The following PCDHGB2 variants were observed in gnomAD, a reference collection of about 807,000 sequenced individuals.
PCDHGB2 encodes protocadherin gamma-B2.
Under a neutral mutation model 59.3 loss-of-function variants are expected in PCDHGB2, and 55 were observed. That is an observed-to-expected ratio of 0.93 (90% CI 0.75 to 1.16). The LOEUF (loss-of-function observed/expected upper bound fraction) is 1.16, where lower values mean the gene tolerates loss of function less well. Among genes scored for constraint, PCDHGB2 ranks in the 50% most tolerant of loss-of-function variants. The probability of loss-of-function intolerance (pLI) is 0.00; values close to 1 mark genes in which losing one functional copy is unlikely to be tolerated. For synonymous variants in PCDHGB2, 516 were observed against 512.0 expected, an observed-to-expected ratio of 1.01 and a Z score of -0.11; for missense variants, 1,228 against 1,198.5, an observed-to-expected ratio of 1.02 and a Z score of -0.36.
chr5:141,423,636 C>A, intron 1 of PCDHGB2: 1 of 1,598,388 alleles, frequency 6.3e-7, no homozygotes, highest in Non-Finnish European at 8.5e-7. Context: ...TCATTTTAGG[C>A]AAATGTGACC....
chr5:141,402,839 C>T (rs2094312458), intron 1 of PCDHGB2: 1 of 1,386,198 alleles, frequency 7.2e-7, no homozygotes, highest in Non-Finnish European at 9.5e-7. Context: ...TGCAGCAAAA[C>T]TCAGCCTCTT....
intron 1 of PCDHGB2, chr5:141,423,762 G>T: frequency 2.3e-5 from 6 of 264,236 alleles, no homozygotes; most frequent in Non-Finnish European, 3.4e-5. Context: ...GGGGGGGGGT[G>T]GGGCGGCATA....
intron 1 of PCDHGB2, chr5:141,475,801 A>G: frequency 3.2e-6 from 1 of 312,546 alleles, no homozygotes. Flanking sequence ...AGGAAGCCAA[A>G]GGAAAGTGAA....
intron 1 of PCDHGB2, chr5:141,382,927 T>G: frequency 6.3e-7 from 1 of 1,579,076 alleles, no homozygotes; most frequent in Non-Finnish European, 8.6e-7. Context: ...GGGCGGGGAC[T>G]ACAGAGGATT....
intron 1 of PCDHGB2, chr5:141,372,195 A>T: frequency 4.3e-6 from 7 of 1,613,560 alleles, no homozygotes; most frequent in Non-Finnish European, 5.9e-6. Flanking sequence ...CTCGGGATAC[A>T]ACGCCTGGCT....
intron 1 of PCDHGB2, among the ~76,000 whole-genome samples, chr5:141,474,000 C>T (rs2099336161): frequency 6.6e-6 from 1 of 152,076 alleles, no homozygotes. Context: ...GCCCAAGGAG[C>T]TGGAAGTTAC....
rs777668071 is a variant in PCDHGB2 at position 141,491,848 on chromosome 5, C to G, written c.2422-2959C>G. The G allele has an allele frequency of 3.4e-6, 5 of 1,461,482 alleles. No homozygotes were observed. The highest frequency in any genetic ancestry group is 4.5e-6 in the Non-Finnish European group (5 of 1,104,578). 90.5% of individuals were successfully genotyped at this position (1,461,482 alleles called of 1,614,324 possible). A position where few individuals can be genotyped will look rare whatever the true frequency, so the allele number is the denominator to read the frequency against. ...CACCCGATTCTCGGGATCATTGGAC[C>G]GTTTGCGCGAAACCAGAGTGGCCGA... On this transcript the variant is annotated intron_variant, in intron 1 of 3. Transcript: ENST00000522605. The surrounding 1 kb of genome is among the most constrained non-coding windows in gnomAD (Gnocchi z 6.9).
intron 1 of PCDHGB2, chr5:141,422,778 C>T (rs1041081332): frequency 1.9e-6 from 3 of 1,613,932 alleles, no homozygotes; most frequent in Admixed American, 1.7e-5. Flanking sequence ...TTCTCTATGC[C>T]CTACAATCCT....
chr5:141,486,361 C>T lies in PCDHGB2; in HGVS notation c.2422-8446C>T. 1.2e-6 allele frequency: 2 copies of T among 1,614,086 alleles called. No individual in the cohort carries two copies. The highest frequency in any genetic ancestry group is 1.7e-6 in the Non-Finnish European group (2 of 1,179,994). On this transcript the variant is annotated intron_variant, in intron 1 of 3. Coordinates refer to ENST00000522605, the MANE Select transcript of PCDHGB2 (RefSeq NM_018923.3). This position sits in a 1 kb window ranked among gnomAD's most constrained non-coding sequence, Gnocchi z 5.0. ...GCATTCCTGACCACTTGCCATTTGCCCTCAAGTCTGCCTTCAGGAACCAGT... is the reference window on the plus strand; with the variant it reads ...GCATTCCTGACCACTTGCCATTTGCTCTCAAGTCTGCCTTCAGGAACCAGT...
chr5:141,431,709 T>A lies in PCDHGB2; in HGVS notation c.2422-63098T>A. 6.2e-7 allele frequency: 1 copy of A among 1,614,168 alleles called. No individual in the cohort carries two copies. Among genetic ancestry groups the A allele is most frequent in the Non-Finnish European group, 8.5e-7 (1 of 1,180,018 alleles). ...CACGAGGAGTCAGGATTCTACCAGA[T>A]GGAAGTGCAAGCAATGGATAATGCA... On this transcript the variant is annotated intron_variant, in intron 1 of 3. Coordinates refer to ENST00000522605, the MANE Select transcript of PCDHGB2 (RefSeq NM_018923.3). This position sits in a 1 kb window ranked among gnomAD's most constrained non-coding sequence, Gnocchi z 4.8.
At chr5:141,369,892 TATG>T (rs1425925280) in intron 1 of PCDHGB2, among the ~76,000 whole-genome samples, 1 of 152,208 alleles carries the variant, frequency 6.6e-6, no homozygotes. Context: ...AAGATATTAT[TATG>T]ACCATTTTAT....
chr5:141,403,853 A>G (rs765359583), intron 1 of PCDHGB2: 3 of 1,613,726 alleles, frequency 1.9e-6, no homozygotes, highest in Non-Finnish European at 2.5e-6. Context: ...TACTGGGGAA[A>G]TATCAACAGC....
chr5:141,408,461 A>G, intron 1 of PCDHGB2: 4 of 1,614,044 alleles, frequency 2.5e-6, no homozygotes, highest in Non-Finnish European at 3.4e-6. Context: ...CTTACTTGTG[A>G]AGAACCGAAT....
intron 1 of PCDHGB2, chr5:141,408,226 G>T (rs909432449): frequency 2.1e-5 from 33 of 1,562,288 alleles, no homozygotes; most frequent in Admixed American, 3.9e-5. Flanking sequence ...GCGCGCAGAG[G>T]CGCCGGGCCG....
At chr5:141,423,022 T>C in intron 1 of PCDHGB2, 1 of 1,614,194 alleles carries the variant, frequency 6.2e-7, no homozygotes, top group Non-Finnish European at 8.5e-7. Flanking sequence ...GGACAAAGAT[T>C]CAGGCCAGAA....
chr5:141,410,623 G>T, intron 1 of PCDHGB2: 2 of 1,603,052 alleles, frequency 1.2e-6, no homozygotes, highest in Non-Finnish European at 1.7e-6. Context: ...TGACTTCGGT[G>T]AGTTTCTCTT....
In PCDHGB2 at chr5:141,477,650, A is replaced by G. The variant is rs199931735; in HGVS notation, c.2422-17157A>G. ...CGGGCTAGTGGGTCGCTATTTCACA[A>G]TAAATCGTGACAATGGCATAGTGTC... On this transcript the variant is annotated intron_variant, in intron 1 of 3. Transcript: ENST00000522605. This position sits in a 1 kb window ranked among gnomAD's most constrained non-coding sequence, Gnocchi z 4.9. The G allele has an allele frequency of 6.2e-6, 10 of 1,614,212 alleles. No individual in the cohort carries two copies. The highest frequency in any genetic ancestry group is 2.2e-5 in the East Asian group (1 of 44,888).
rs2097368013 is a variant in PCDHGB2 at position 141,431,382 on chromosome 5, A to G, written c.2422-63425A>G. 6 of 1,613,756 alleles carry G rather than the reference A, an allele frequency of 3.7e-6. No homozygotes were observed. In the East Asian group the frequency reaches 1.1e-4, roughly 30 times the overall value. On this transcript the variant is annotated intron_variant, in intron 1 of 3. Transcript: ENST00000522605. This position sits in a 1 kb window ranked among gnomAD's most constrained non-coding sequence, Gnocchi z 4.8. ...CTGGACCGCGAAGAAAAGGCTGCTC[A>G]CCACCTGGTCCTTACGGCCTCCGAC... is the stretch of plus-strand genomic sequence containing the variant.
intron 1 of PCDHGB2, among the ~76,000 whole-genome samples, chr5:141,425,219 G>T (rs779272038): frequency 2.0e-5 from 3 of 152,148 alleles, no homozygotes; most frequent in Non-Finnish European, 2.9e-5. Context: ...ATTGTACTTT[G>T]ACTGGAATTA....
Sources: gnomAD v4.1 joint callset for allele counts (sites outside exome capture counted in the v4.1 genomes callset) on GRCh38, gnomAD v4.1.1 for gene constraint, Gnocchi (gnomAD v3.1) non-coding constraint, MANE v1.5 for transcripts, NCBI Gene and HGNC (gene_info 2026-07-23, HGNC 2026-07-21) for gene names.